Variants in SGCZ observed in about 807,000 individuals in gnomAD.
SGCZ encodes sarcoglycan zeta, also known as zeta-sarcoglycan.
A neutral mutation model predicts 41.3 loss-of-function variants in SGCZ; 40 were observed. The ratio of observed to expected loss-of-function variants is 0.97; its 90% confidence interval spans 0.75 to 1.26. The LOEUF (loss-of-function observed/expected upper bound fraction) is 1.26, where lower values mean the gene tolerates loss of function less well. Among genes scored for constraint, SGCZ ranks in the 50% most tolerant of loss-of-function variants. SGCZ has a pLI of 0.00. For missense variants in SGCZ, 552 were observed against 369.8 expected (o/e 1.49, Z -4.04); for synonymous variants, 206 against 137.5 (o/e 1.50, Z -3.49).
chr8:14,813,278 G>A (rs1176375026), intron 1 of SGCZ, among the ~76,000 whole-genome samples: 20 of 152,128 alleles, frequency 1.3e-4, no homozygotes, highest in East Asian at 1.9e-4. Flanking sequence ...TTGTATTCAC[G>A]TCGTATGAAA....
intron 2 of SGCZ, among the ~76,000 whole-genome samples, chr8:14,357,068 A>G (rs1191503344): frequency 6.6e-6 from 1 of 152,108 alleles, no homozygotes; most frequent in Non-Finnish European, 1.5e-5. Context: ...GCAAAAGTAA[A>G]TGAAATATTA....
At chr8:15,217,512 G>C (rs1305656788) in intron 1 of SGCZ, among the ~76,000 whole-genome samples, 1 of 147,956 alleles carries the variant, frequency 6.8e-6, no homozygotes, top group Non-Finnish European at 1.5e-5. Flanking sequence ...TCTATAACCA[G>C]AAAGCTGGAC....
intron 2 of SGCZ, among the ~76,000 whole-genome samples, chr8:14,551,524 AAT>A (rs1563404484): frequency 2.0e-4 from 2 of 9,936 alleles, no homozygotes; most frequent in Admixed American, 1.7e-3. Context: ...TATTATATAT[AAT>A]ATATATAATA....
At chr8:14,127,955 T>C (rs1404276190) in intron 5 of SGCZ, among the ~76,000 whole-genome samples, 1 of 152,196 alleles carries the variant, frequency 6.6e-6, no homozygotes, top group Non-Finnish European at 1.5e-5. Context: ...AAAGTGTCTG[T>C]TGTTTCCTTC....
At chr8:15,228,590 T>C (rs964676608) in intron 1 of SGCZ, among the ~76,000 whole-genome samples, 2 of 152,210 alleles carry the variant, frequency 1.3e-5, no homozygotes, top group African/African-American at 2.4e-5. Context: ...ATAATGTCTC[T>C]GCCCTAGACC....
chr8:14,361,504 T>A (rs1803510215), intron 2 of SGCZ, among the ~76,000 whole-genome samples: 1 of 152,222 alleles, frequency 6.6e-6, no homozygotes, highest in South Asian at 2.1e-4. Flanking sequence ...TTCACAAAGT[T>A]CTCATACTGT....
At chr8:14,200,974 A>G (rs562614218) in intron 4 of SGCZ, among the ~76,000 whole-genome samples, 1 of 152,308 alleles carries the variant, frequency 6.6e-6, no homozygotes, top group Admixed American at 6.5e-5. Context: ...AAAATCCATA[A>G]AACATGCAAA....
intron 5 of SGCZ, among the ~76,000 whole-genome samples, chr8:14,110,218 A>G (rs1408580034): frequency 6.6e-6 from 1 of 152,094 alleles, no homozygotes; most frequent in Admixed American, 6.6e-5. Flanking sequence ...TATCTCAAAG[A>G]GAGACTCTGG....
intron 7 of SGCZ, among the ~76,000 whole-genome samples, chr8:14,095,594 T>G (rs1239706655): frequency 6.6e-6 from 1 of 152,178 alleles, no homozygotes; most frequent in Non-Finnish European, 1.5e-5. Flanking sequence ...AGGCTCTTTT[T>G]TGCTTCCATA....
intron 4 of SGCZ, among the ~76,000 whole-genome samples, chr8:14,179,548 C>T (rs1225567207): frequency 6.6e-6 from 1 of 152,146 alleles, no homozygotes; most frequent in Non-Finnish European, 1.5e-5. Flanking sequence ...CCCTGTTTCA[C>T]TATATTAATG....
chr8:14,735,284 G>A (rs188157778), intron 1 of SGCZ, among the ~76,000 whole-genome samples: 1 of 152,246 alleles, frequency 6.6e-6, no homozygotes, highest in East Asian at 1.9e-4. Context: ...ATTGACAGAG[G>A]AGATTAATAT....
intron 1 of SGCZ, among the ~76,000 whole-genome samples, chr8:14,669,305 G>C (rs1485433228): frequency 1.3e-5 from 2 of 151,834 alleles, no homozygotes; most frequent in African/African-American, 2.4e-5. Context: ...ATCTCAGTGA[G>C]CCAAGACATG....
intron 2 of SGCZ, 54 bp from the exon 3 acceptor site, chr8:14,324,258 G>T: frequency 1.5e-6 from 2 of 1,327,904 alleles, no homozygotes; most frequent in Non-Finnish European, 1.1e-6. Context: ...ATGAATATCT[G>T]GCCATAATTT....
intron 1 of SGCZ, among the ~76,000 whole-genome samples, chr8:15,122,170 A>G (rs1807507752): frequency 6.6e-6 from 1 of 151,612 alleles, no homozygotes; most frequent in South Asian, 2.1e-4. Flanking sequence ...TCAACCCCAA[A>G]CCCTGCAATA....
chr8:14,103,347 C>G (rs1327998701), intron 6 of SGCZ, among the ~76,000 whole-genome samples: 1 of 152,134 alleles, frequency 6.6e-6, no homozygotes, highest in Non-Finnish European at 1.5e-5. Context: ...GAGGTAGGAT[C>G]CATGCACTGG....
At chr8:14,396,589 G>C (rs1399922060) in intron 2 of SGCZ, among the ~76,000 whole-genome samples, 1 of 151,570 alleles carries the variant, frequency 6.6e-6, no homozygotes, top group African/African-American at 2.4e-5. Flanking sequence ...GGATATAATG[G>C]ACAAGATAGA....
At chr8:14,853,499 T>C (rs1190491141) in intron 1 of SGCZ, 1 of 532,818 alleles carries the variant, frequency 1.9e-6, no homozygotes, top group South Asian at 1.4e-5. Flanking sequence ...AATCACCTTC[T>C]GATCTGAGGA....
intron 1 of SGCZ, among the ~76,000 whole-genome samples, chr8:14,802,704 C>G (rs1413851461): frequency 6.6e-6 from 1 of 152,074 alleles, no homozygotes; most frequent in Non-Finnish European, 1.5e-5. Flanking sequence ...CTTATTGAAA[C>G]TGGTATATAT....
At chr8:14,143,077 T>C (rs1034423155) in intron 5 of SGCZ, among the ~76,000 whole-genome samples, 5 of 151,550 alleles carry the variant, frequency 3.3e-5, no homozygotes, top group Admixed American at 3.3e-4. Flanking sequence ...ATTATATCAA[T>C]TGATGCAGAA....
Sources: gnomAD v4.1 joint callset for allele counts (sites outside exome capture counted in the v4.1 genomes callset) on GRCh38, gnomAD v4.1.1 for gene constraint, MANE v1.5 for transcripts, NCBI Gene and HGNC (gene_info 2026-07-23, HGNC 2026-07-21) for gene names.